Variants in CNBD1 observed in about 807,000 individuals in gnomAD.
The protein encoded by CNBD1 is cyclic nucleotide-binding domain-containing protein 1.
A neutral mutation model predicts 54.4 loss-of-function variants in CNBD1; 71 were observed. The observed-to-expected ratio is 1.30, with a 90% confidence interval of 1.08 to 1.59. The LOEUF (loss-of-function observed/expected upper bound fraction) is 1.59, where lower values mean the gene tolerates loss of function less well. Among genes scored for constraint, CNBD1 ranks in the 40% most tolerant of loss-of-function variants. CNBD1 has a pLI of 0.00. For synonymous variants in CNBD1, 182 were observed against 170.7 expected (o/e 1.07, Z -0.51); for missense variants, 659 against 518.0 (o/e 1.27, Z -2.64).
intron 6 of CNBD1, among the ~76,000 whole-genome samples, chr8:87,277,676 A>C (rs901533885): frequency 6.6e-6 from 1 of 151,702 alleles, no homozygotes; most frequent in Non-Finnish European, 1.5e-5. Flanking sequence ...TGTCCTAAAG[A>C]CTGAAAACCA....
At chr8:86,933,539 T>A (rs2130409977) in intron 3 of CNBD1, among the ~76,000 whole-genome samples, 1 of 152,272 alleles carries the variant, frequency 6.6e-6, no homozygotes, top group South Asian at 2.1e-4. Flanking sequence ...TAAAATGGTC[T>A]TTGTAAATGA....
At chr8:87,240,135 T>G (rs1807665885) in intron 6 of CNBD1, among the ~76,000 whole-genome samples, 1 of 150,876 alleles carries the variant, frequency 6.6e-6, no homozygotes, top group South Asian at 2.1e-4. Flanking sequence ...TATTTCATAT[T>G]TATATACTTC....
chr8:87,351,015 T>C (rs1013579914), intron 8 of CNBD1, among the ~76,000 whole-genome samples: 2 of 152,196 alleles, frequency 1.3e-5, no homozygotes, highest in African/African-American at 4.8e-5. Flanking sequence ...TATTGTGTTA[T>C]ACTGTGTACC....
chr8:87,065,000 G>A (rs1280549281), intron 4 of CNBD1, among the ~76,000 whole-genome samples: 1 of 151,716 alleles, frequency 6.6e-6, no homozygotes, highest in African/African-American at 2.4e-5. Context: ...TTGCAATATG[G>A]CAATAATTTT....
intron 10 of CNBD1, among the ~76,000 whole-genome samples, chr8:87,370,252 A>T (rs1476052475): frequency 6.6e-6 from 1 of 152,062 alleles, no homozygotes; most frequent in Middle Eastern, 3.2e-3. Flanking sequence ...CAGTAATGGG[A>T]TGGCTGGGTC....
chr8:87,257,993 CAT>C (rs1280405355), intron 6 of CNBD1, among the ~76,000 whole-genome samples: 1 of 152,052 alleles, frequency 6.6e-6, no homozygotes, highest in African/African-American at 2.4e-5. Flanking sequence ...AATTTTGAAA[CAT>C]ATCTTAATAT....
intron 4 of CNBD1, among the ~76,000 whole-genome samples, chr8:86,940,444 G>A (rs1809634463): frequency 6.6e-6 from 1 of 152,104 alleles, no homozygotes; most frequent in Non-Finnish European, 1.5e-5. Context: ...GGGATTACAG[G>A]TGTGAGCTTC....
intron 10 of CNBD1, among the ~76,000 whole-genome samples, chr8:87,380,922 A>C (rs1811059984): frequency 6.6e-6 from 1 of 152,064 alleles, no homozygotes; most frequent in African/African-American, 2.4e-5. Flanking sequence ...CAAATGCAAG[A>C]ATTGTAACTG....
chr8:87,257,369 CAAAA>C (rs771338208), intron 6 of CNBD1, among the ~76,000 whole-genome samples: 3 of 67,524 alleles, frequency 4.4e-5, no homozygotes, highest in Non-Finnish European at 8.8e-5. Flanking sequence ...AACTCTATCG[CAAAA>C]AAAAAAAAAA....
At chr8:86,985,509 A>C (rs1337756232) in intron 4 of CNBD1, among the ~76,000 whole-genome samples, 1 of 152,148 alleles carries the variant, frequency 6.6e-6, no homozygotes, top group Non-Finnish European at 1.5e-5. Flanking sequence ...TCTTGCATCA[A>C]TTCACTTAGG....
chr8:87,140,215 C>CT (rs1028532964), intron 4 of CNBD1, among the ~76,000 whole-genome samples: 2 of 151,564 alleles, frequency 1.3e-5, no homozygotes, highest in Non-Finnish European at 3.0e-5. Context: ...TCTCTCTTCT[C>CT]TCTCTCTCTC....
intron 4 of CNBD1, among the ~76,000 whole-genome samples, chr8:86,983,270 G>C (rs1808528491): frequency 6.6e-6 from 1 of 152,148 alleles, no homozygotes; most frequent in South Asian, 2.1e-4. Flanking sequence ...TGCCATGTCA[G>C]ACATGCCTTT....
chr8:87,266,248 A>G (rs1808254679), intron 6 of CNBD1, among the ~76,000 whole-genome samples: 1 of 151,716 alleles, frequency 6.6e-6, no homozygotes, highest in Non-Finnish European at 1.5e-5. Flanking sequence ...ACTATACCAA[A>G]GAGCAAAAGG....
chr8:87,321,729 C>G (rs1455014115), intron 8 of CNBD1, among the ~76,000 whole-genome samples: 1 of 151,380 alleles, frequency 6.6e-6, no homozygotes. Context: ...CTTTTTTGTG[C>G]CTGTGCTTTT....
intron 8 of CNBD1, among the ~76,000 whole-genome samples, chr8:87,342,175 A>G (rs1810078616): frequency 6.6e-6 from 1 of 150,978 alleles, no homozygotes; most frequent in Non-Finnish European, 1.5e-5. Flanking sequence ...TGAGAGGCTG[A>G]GGCAGGAGAA....
intron 1 of CNBD1, among the ~76,000 whole-genome samples, chr8:86,883,934 G>A (rs1808640310): frequency 6.6e-6 from 1 of 151,934 alleles, no homozygotes; most frequent in East Asian, 1.9e-4. Flanking sequence ...GGCGGATCAC[G>A]AGGTCAGGAG....
intron 6 of CNBD1, among the ~76,000 whole-genome samples, chr8:87,273,868 C>T (rs146960981): frequency 0.035 from 5,359 of 151,504 alleles, 133 homozygotes; most frequent in Middle Eastern, 0.065. Flanking sequence ...GTGTGCTGCA[C>T]CCACTAACTC....
intron 1 of CNBD1, 90 bp from the exon 2 acceptor site, chr8:86,887,452 A>G: frequency 1.3e-6 from 1 of 777,062 alleles, no homozygotes; most frequent in Non-Finnish European, 2.1e-6. Flanking sequence ...TTCTTTCACT[A>G]TGATGAATGT....
rs1016886284 is a variant in CNBD1, at chr8:87,163,548, A to C, written c.432-42445A>C. Among the ~76,000 whole-genome samples, 2 of 151,860 alleles carry C rather than the reference A, an allele frequency of 1.3e-5. No individual in the cohort carries two copies. Among genetic ancestry groups the C allele is most frequent in the African/African-American group, 4.8e-5 (2 of 41,392 alleles). On this transcript the variant is annotated intron_variant, in intron 4 of 10. Transcript: ENST00000518476. The surrounding 1 kb of genome is among the most constrained non-coding windows in gnomAD (Gnocchi z 4.5). ...TGGTTAAATTTATTCCTAAGTATTT[A>C]AAATATTAAATATTTTTTTGTTGCT...
Sources: allele counts gnomAD v4.1 joint callset (sites outside exome capture counted in the v4.1 genomes callset), GRCh38; gene constraint gnomAD v4.1.1; non-coding constraint Gnocchi (gnomAD v3.1); transcripts MANE v1.5; gene names NCBI Gene and HGNC (gene_info 2026-07-23, HGNC 2026-07-21).